Variants in GRM7 observed in about 807,000 individuals in gnomAD.
The protein encoded by GRM7 is glutamate metabotropic receptor 7, also known as metabotropic glutamate receptor 7.
GRM7 carries 35 observed loss-of-function variants against 84.5 expected under a neutral mutation model. The observed-to-expected ratio is 0.41, with a 90% CI of 0.32 to 0.55. GRM7 has a LOEUF of 0.55. GRM7 is among the 20% of genes least tolerant of loss of function. The pLI is 0.19. For missense variants in GRM7, 1,003 were observed against 1,194.6 expected (o/e 0.84, Z 2.36); for synonymous variants, 487 against 455.1 (o/e 1.07, Z -0.89).
Position 6,861,844 on chromosome 3 carries a change from A to C in GRM7, c.456A>C (p.Gly152=). 1 of 1,614,072 alleles carries C rather than the reference A, an allele frequency of 6.2e-7. No homozygotes were observed. Among genetic ancestry groups the C allele is most frequent in the Non-Finnish European group, 8.5e-7 (1 of 1,180,010 alleles). Residue 152 remains glycine (G), a synonymous_variant, in exon 1 of 10, where the codon GGA becomes GGC. Transcript: ENST00000357716. The surrounding 1 kb of genome is among the most constrained non-coding windows in gnomAD (Gnocchi z 6.4). ...PVFVKPEKVV[G]VIGASGSSVS... is the part of the protein sequence containing the mutation. ...TCGTCAAGCCGGAGAAAGTAGTTGG[A>C]GTGATTGGGGCTTCGGGGAGTTCGG...
chr3:7,266,046 G>A (rs1575100116), intron 2 of GRM7, among the ~76,000 whole-genome samples: 1 of 151,982 alleles, frequency 6.6e-6, no homozygotes, highest in Non-Finnish European at 1.5e-5. Context: ...GTGAGTCCCC[G>A]GTGCATCTCT....
chr3:7,048,613 A>G (rs1417825343), intron 1 of GRM7, among the ~76,000 whole-genome samples: 3 of 151,990 alleles, frequency 2.0e-5, no homozygotes. Context: ...ATTGACAAGA[A>G]TTATTTATAT....
Position 7,578,433 on chromosome 3 carries a change from G to A in GRM7, c.1527G>A (p.Met509Ile). The A allele has an allele frequency of 6.2e-7, 1 of 1,603,606 alleles. No individual in the cohort carries two copies. The highest frequency in any genetic ancestry group is 1.3e-5 in the African/African-American group (1 of 74,712). ...TTCTTATGTTACAGATAGAAGACATGCAGTGGGGTAAAGGAGTCCGAGAGA... is the reference window on the plus strand; with the variant it reads ...TTCTTATGTTACAGATAGAAGACATACAGTGGGGTAAAGGAGTCCGAGAGA... ...TDELQLNIED[M>I]QWGKGVREIP... is the part of the protein sequence containing the mutation. The change falls in exon 8 of 10, where the codon ATG (methionine) becomes ATA (isoleucine). Residue 509 changes from methionine (M) to isoleucine (I), a missense_variant. Around this residue, in one of 2 missense-constraint regions of GRM7, gnomAD observed 910 missense variants for 1,126.0 expected, o/e 0.81. Transcript: ENST00000357716.
At chr3:7,289,738 CT>C (rs1699553288) in intron 2 of GRM7, among the ~76,000 whole-genome samples, 1 of 151,804 alleles carries the variant, frequency 6.6e-6, no homozygotes, top group Non-Finnish European at 1.5e-5. Flanking sequence ...AACCATCATT[CT>C]CAGCAAACTA....
At chr3:7,048,552 G>A (rs1696880537) in intron 1 of GRM7, among the ~76,000 whole-genome samples, 1 of 151,280 alleles carries the variant, frequency 6.6e-6, no homozygotes, top group Non-Finnish European at 1.5e-5. Flanking sequence ...CAGATTTATA[G>A]CTTTAGAAAG....
intron 8 of GRM7, among the ~76,000 whole-genome samples, chr3:7,671,642 C>T (rs139874182): frequency 6.6e-6 from 1 of 150,860 alleles, no homozygotes; most frequent in Non-Finnish European, 1.5e-5. Context: ...GACCAGATGC[C>T]TGTCCCACGC....
intron 7 of GRM7, among the ~76,000 whole-genome samples, chr3:7,462,040 T>C (rs367983210): frequency 1.0e-3 from 153 of 152,284 alleles, no homozygotes; most frequent in African/African-American, 3.2e-3. Context: ...AACTTTTTAT[T>C]TCTTCTGCCT....
chr3:7,321,720 AT>A (rs1700789699), intron 4 of GRM7, among the ~76,000 whole-genome samples: 1 of 148,312 alleles, frequency 6.7e-6, no homozygotes. Flanking sequence ...CTTTTTAGGA[AT>A]AAAATGAGCA....
intron 8 of GRM7, among the ~76,000 whole-genome samples, chr3:7,660,484 T>G (rs1172839975): frequency 6.6e-6 from 1 of 152,208 alleles, no homozygotes; most frequent in East Asian, 1.9e-4. Flanking sequence ...TTATAAAATA[T>G]TTGTGAAATA....
In GRM7 at chr3:7,680,008, C is replaced by T. The variant is rs760767525; in HGVS notation, c.2452-41C>T. The stretch of plus-strand genomic sequence containing the variant: ...TAAGTGTTCAGACCCCTACTGCAGT[C>T]ATTTTATTTGTAATAGTGCCTTGTG... On this transcript the variant is annotated intron_variant, in intron 8 of 9. Transcript: ENST00000357716. The T allele has an allele frequency of 1.9e-6, 3 of 1,604,034 alleles. No homozygotes were observed. In the Admixed American group the frequency reaches 5.0e-5, roughly 27 times the overall value.
intron 2 of GRM7, among the ~76,000 whole-genome samples, chr3:7,240,256 A>G (rs2124919308): frequency 6.6e-6 from 1 of 151,274 alleles, no homozygotes; most frequent in East Asian, 2.0e-4. Context: ...TTGAAAAATA[A>G]GAATATAAAA....
chr3:7,225,723 C>A (rs1696962733), intron 2 of GRM7, among the ~76,000 whole-genome samples: 1 of 151,708 alleles, frequency 6.6e-6, no homozygotes, highest in Non-Finnish European at 1.5e-5. Flanking sequence ...AGTAGAAGTA[C>A]AATAGTTTTA....
At chr3:7,634,550 C>T (rs1484725584) in intron 8 of GRM7, among the ~76,000 whole-genome samples, 1 of 131,306 alleles carries the variant, frequency 7.6e-6, no homozygotes, top group Non-Finnish European at 1.5e-5. Flanking sequence ...CTTTGGGAGG[C>T]CGAGGCGGGT....
intron 1 of GRM7, among the ~76,000 whole-genome samples, chr3:6,879,303 G>A (rs975221269): frequency 2.0e-5 from 3 of 152,058 alleles, no homozygotes; most frequent in Admixed American, 6.6e-5. Context: ...AATTATAATT[G>A]TATTACATTT....
intron 4 of GRM7, among the ~76,000 whole-genome samples, chr3:7,380,207 T>G (rs1365276192): frequency 6.6e-6 from 1 of 152,212 alleles, no homozygotes; most frequent in Admixed American, 6.5e-5. Context: ...GTGTCTTTCA[T>G]GAATGAATAA....
intron 2 of GRM7, among the ~76,000 whole-genome samples, chr3:7,251,537 A>T (rs567858849): frequency 6.6e-6 from 1 of 152,184 alleles, no homozygotes; most frequent in Admixed American, 6.5e-5. Flanking sequence ...CTATAATAGC[A>T]TAGGTAGTAG....
intron 5 of GRM7, among the ~76,000 whole-genome samples, chr3:7,447,929 G>C (rs895651097): frequency 8.8e-6 from 1 of 113,678 alleles, no homozygotes; most frequent in Admixed American, 1.3e-4. Flanking sequence ...TCCCCGGAAT[G>C]TGATGTTCCC....
chr3:7,708,790 G>A (rs191097287), intron 9 of GRM7, among the ~76,000 whole-genome samples: 23 of 152,156 alleles, frequency 1.5e-4, no homozygotes, highest in East Asian at 3.9e-4. Flanking sequence ...AAGTACCTCC[G>A]ATGAGATGTG....
chr3:7,720,265 C>A (rs1701899760), intron 9 of GRM7, among the ~76,000 whole-genome samples: 1 of 152,158 alleles, frequency 6.6e-6, no homozygotes, highest in Admixed American at 6.5e-5. Flanking sequence ...CTGGGCAATA[C>A]CATCTCCTTT....
Sources: gnomAD v4.1 joint callset for allele counts (sites outside exome capture counted in the v4.1 genomes callset) on GRCh38, gnomAD v4.1.1 for gene constraint, gnomAD v4.1.1 regional missense constraint, Gnocchi (gnomAD v3.1) non-coding constraint, MANE v1.5 for transcripts, NCBI Gene and HGNC (gene_info 2026-07-23, HGNC 2026-07-21) for gene names.